EPCAM: variants seen among roughly 807,000 people sequenced by gnomAD.
EPCAM encodes the protein adenocarcinoma-associated antigen.
In EPCAM, 39 loss-of-function variants were observed where a neutral mutation model predicts 40.0. The observed-to-expected ratio is 0.98, with a 90% CI of 0.76 to 1.27. The LOEUF is 1.27. Among genes scored for constraint, EPCAM ranks in the 50% most tolerant of loss-of-function variants. The probability of loss-of-function intolerance (pLI) is 0.00; values close to 1 mark genes in which losing one functional copy is unlikely to be tolerated. For synonymous variants in EPCAM, 168 were observed against 132.3 expected (o/e 1.27, Z -1.85); for missense variants, 503 against 381.2 (o/e 1.32, Z -2.66).
intron 7 of EPCAM, among the ~76,000 whole-genome samples, chr2:47,382,672 G>A (rs1456394121): frequency 1.3e-5 from 2 of 152,124 alleles, no homozygotes; most frequent in Non-Finnish European, 2.9e-5. Context: ...GGCAACGAGA[G>A]CAAAACTCTG....
At position 47,375,283 on chromosome 2, in the gene EPCAM, A is replaced by G. The variant is rs1273667602; in HGVS notation, c.475A>G (p.Ser159Gly). Reference sequence around the variant, plus strand: ...CAAAGCAAGAGAAAAACCTTATGATAGTAAAAGTTTGCGGACGTAAGTGCA... The same window carrying G: ...CAAAGCAAGAGAAAAACCTTATGATGGTAAAAGTTTGCGGACGTAAGTGCA... Reference protein sequence around the residue: ...KHKAREKPYDSKSLRTALQKE... With the variant: ...KHKAREKPYDGKSLRTALQKE... The change falls in exon 4 of 9, where the codon AGT becomes GGT. Residue 159 changes from serine (S) to glycine (G), a missense_variant. Physicochemically the swap from Ser to Gly is moderately conservative, Grantham distance 56. Transcript: ENST00000263735. The G allele has an allele frequency of 4.3e-6, 7 of 1,612,028 alleles. No individual in the cohort carries two copies. The highest frequency in any genetic ancestry group is 1.3e-5 in the African/African-American group (1 of 74,904).
Position 47,369,489 on chromosome 2 carries a change from C to T in EPCAM, c.-17C>T, listed in dbSNP as rs1000530194. 2.6e-6 allele frequency: 4 copies of T among 1,524,918 alleles called. No homozygotes were observed. The highest frequency in any genetic ancestry group is 2.3e-4 in the Middle Eastern group (1 of 4,346). The allele number at this position is 1,524,918 out of a possible 1,614,324, so 94.5% of individuals were successfully genotyped here. ...CCCGGGCCCCTCCCGCGCCCCTCTT[C>T]TCGGCGCGCGCGCAGCATGGCGCCC... On this transcript the variant is annotated 5_prime_UTR_variant, in exon 1 of 9. Transcript: ENST00000263735.
intron 7 of EPCAM, chr2:47,383,522 C>G (rs12996260): frequency 6.8e-6 from 1 of 147,166 alleles, no homozygotes; most frequent in African/African-American, 2.5e-5. Flanking sequence ...CCAGGCTGGT[C>G]TCGAACTCAT....
intron 1 of EPCAM, among the ~76,000 whole-genome samples, chr2:47,371,788 C>T (rs17036541): frequency 6.6e-6 from 1 of 151,966 alleles, no homozygotes; most frequent in South Asian, 2.1e-4. Context: ...CTTTTGTGAC[C>T]CCAGTATTGA....
chr2:47,382,736 G>C (rs1162916128), intron 7 of EPCAM, among the ~76,000 whole-genome samples: 1 of 152,138 alleles, frequency 6.6e-6, no homozygotes, highest in Non-Finnish European at 1.5e-5. Flanking sequence ...AATAGCCTGA[G>C]TGTGTATCAG....
rs1671153947 is a variant in EPCAM at position 47,369,409 on chromosome 2, G to C, written c.-97G>C. 1.6e-6 allele frequency: 2 copies of C among 1,257,120 alleles called. No homozygotes were observed. The highest frequency in any genetic ancestry group is 4.1e-5 in the Admixed American group (1 of 24,560). The allele number at this position is 1,257,120 out of a possible 1,614,324, so 77.9% of individuals were successfully genotyped here. ...CGCGGACCCGCGTGCCCCAGGCCTC[G>C]CGCTGCCCGGCCGGCTCCTCGTGTC... On this transcript the variant is annotated 5_prime_UTR_variant, in exon 1 of 9. Coordinates refer to ENST00000263735, the MANE Select transcript of EPCAM (RefSeq NM_002354.3).
intron 7 of EPCAM, among the ~76,000 whole-genome samples, chr2:47,383,993 C>G (rs1431054514): frequency 1.3e-5 from 2 of 151,656 alleles, no homozygotes; most frequent in South Asian, 4.2e-4. Flanking sequence ...CTTTCTCTTT[C>G]TTTTCTGTTG....
intron 7 of EPCAM, among the ~76,000 whole-genome samples, chr2:47,380,524 C>G (rs542164405): frequency 1.3e-5 from 2 of 152,104 alleles, no homozygotes; most frequent in Non-Finnish European, 2.9e-5. Flanking sequence ...AGTTAAATTG[C>G]CATCTAGCAG....
At chr2:47,373,357 T>G (rs1671331380) in intron 1 of EPCAM, 106 bp from the exon 2 acceptor site, 1 of 777,062 alleles carries the variant, frequency 1.3e-6, no homozygotes, top group Non-Finnish European at 2.1e-6. Context: ...TTTTTAAGGT[T>G]TTGTGTCCTT....
intron 1 of EPCAM, among the ~76,000 whole-genome samples, 182 bp from the exon 2 acceptor site, chr2:47,373,281 A>G (rs1430318648): frequency 6.6e-6 from 1 of 151,376 alleles, no homozygotes; most frequent in Non-Finnish European, 1.5e-5. Flanking sequence ...ACAGTATGCA[A>G]ACTTTAGCAA....
intron 3 of EPCAM, among the ~76,000 whole-genome samples, chr2:47,374,880 C>T (rs1671381371): frequency 6.6e-6 from 1 of 152,128 alleles, no homozygotes. Context: ...TCAGGCAATC[C>T]ACCCACCTCC....
At chr2:47,379,092 T>TG in intron 6 of EPCAM, 38 bp downstream of exon 6, 2 of 1,020,876 alleles carry the variant, frequency 2.0e-6, no homozygotes, top group Non-Finnish European at 3.1e-6. Context: ...TTCAGGAATG[T>TG]AGTCTATCAT....
chr2:47,378,376 A>G (rs1033570198), intron 5 of EPCAM, among the ~76,000 whole-genome samples: 1 of 143,012 alleles, frequency 7.0e-6, no homozygotes, highest in Non-Finnish European at 1.5e-5. Flanking sequence ...ATCTCGGCTC[A>G]CCACGACTTT....
At chr2:47,382,279 G>A (rs113563554) in intron 7 of EPCAM, among the ~76,000 whole-genome samples, 31 of 152,324 alleles carry the variant, frequency 2.0e-4, no homozygotes, top group African/African-American at 7.0e-4. Context: ...AGAAATTTCA[G>A]ATGGCAAATG....
At chr2:47,380,103 C>T in intron 7 of EPCAM, 134 bp downstream of exon 7, 2 of 1,452,630 alleles carry the variant, frequency 1.4e-6, no homozygotes, top group Non-Finnish European at 1.9e-6. Context: ...ATCACTTGAG[C>T]CCAGGAGTTT....
chr2:47,375,347 A>C lies in EPCAM; in HGVS notation c.491+48A>C. The C allele has an allele frequency of 1.7e-6, 2 of 1,197,062 alleles. 1 individual carries two copies. Among genetic ancestry groups the C allele is most frequent in the South Asian group, 2.4e-5 (2 of 82,560 alleles). 74.2% of individuals were successfully genotyped at this position (1,197,062 alleles called of 1,614,324 possible). A position where few individuals can be genotyped will look rare whatever the true frequency, so the allele number is the denominator to read the frequency against. ...TATTCTTGCACAGTTGGTGGCTCAA[A>C]TCTTCCATCCTACACCATTAGAAAA... is the stretch of plus-strand genomic sequence containing the variant. On this transcript the variant is annotated intron_variant, in intron 4 of 8. Transcript: ENST00000263735.
intron 8 of EPCAM, among the ~76,000 whole-genome samples, chr2:47,385,831 C>T (rs1002661180): frequency 1.3e-5 from 2 of 152,094 alleles, no homozygotes; most frequent in Admixed American, 6.6e-5. Flanking sequence ...CTAATGGAAC[C>T]AGAAAGTTCT....
At chr2:47,381,964 G>A in intron 7 of EPCAM, among the ~76,000 whole-genome samples, 1 of 152,024 alleles carries the variant, frequency 6.6e-6, no homozygotes, top group East Asian at 1.9e-4. Context: ...ACGAATTCTT[G>A]CTATGGCTGC....
In EPCAM at chr2:47,386,755, T is replaced by A; in HGVS notation, c.*142T>A. 1.6e-6 allele frequency: 1 copy of A among 642,786 alleles called. No individual in the cohort carries two copies. Among genetic ancestry groups the A allele is most frequent in the East Asian group, 2.7e-5 (1 of 37,180 alleles). 39.8% of individuals were successfully genotyped at this position (642,786 alleles called of 1,614,324 possible). ...ATATTTGTAATAGTGAAACCTGTAC[T>A]CAAAATATAAGCAGCTTGAAACTGG... On this transcript the variant is annotated 3_prime_UTR_variant, in exon 9 of 9. Coordinates refer to ENST00000263735, the MANE Select transcript of EPCAM (RefSeq NM_002354.3).
Sources: allele counts gnomAD v4.1 joint callset (sites outside exome capture counted in the v4.1 genomes callset), GRCh38; gene constraint gnomAD v4.1.1; transcripts MANE v1.5; gene names NCBI Gene and HGNC (gene_info 2026-07-23, HGNC 2026-07-21).